SORCS2: variants seen among roughly 807,000 people sequenced by gnomAD.
SORCS2 encodes the protein VPS10 domain-containing receptor SorCS2.
A neutral mutation model predicts 141.6 loss-of-function variants in SORCS2; 100 were observed. That is an observed-to-expected ratio of 0.71 (90% CI 0.60 to 0.83). The LOEUF is 0.83. Among genes scored for constraint, SORCS2 ranks in the 40% least tolerant of loss-of-function variants. The probability of loss-of-function intolerance (pLI) is 0.00; values close to 1 mark genes in which losing one functional copy is unlikely to be tolerated. For missense variants in SORCS2, 1,646 were observed against 1,560.2 expected (o/e 1.05, Z -0.93); for synonymous variants, 789 against 676.9 (o/e 1.17, Z -2.57).
At chr4:7,228,087 G>A (rs1448350968) in intron 1 of SORCS2, among the ~76,000 whole-genome samples, 2 of 152,188 alleles carry the variant, frequency 1.3e-5, no homozygotes, top group Non-Finnish European at 2.9e-5. Context: ...CCACAGCAGA[G>A]GCTGATTCTT....
chr4:7,327,783 A>G (rs1479515745), intron 1 of SORCS2, among the ~76,000 whole-genome samples: 3 of 151,956 alleles, frequency 2.0e-5, no homozygotes, highest in Non-Finnish European at 2.9e-5. Context: ...TGAGTGCATG[A>G]GGGCTTGGCT....
chr4:7,630,145 T>C (rs908459351), intron 3 of SORCS2, among the ~76,000 whole-genome samples: 22 of 152,100 alleles, frequency 1.4e-4, no homozygotes, highest in African/African-American at 5.3e-4. Context: ...GGCTTGTTCA[T>C]ACGCAGACTG....
At chr4:7,446,344 C>A (rs1009177734) in intron 2 of SORCS2, among the ~76,000 whole-genome samples, 5 of 152,210 alleles carry the variant, frequency 3.3e-5, no homozygotes, top group African/African-American at 1.2e-4. Context: ...TGCCATGGCA[C>A]CTCGCAGTGG....
chr4:7,252,313 G>C (rs1713559790), intron 1 of SORCS2, among the ~76,000 whole-genome samples: 1 of 152,180 alleles, frequency 6.6e-6, no homozygotes, highest in Admixed American at 6.5e-5. Context: ...GGCTGGGAGG[G>C]AGGGCATGCT....
intron 3 of SORCS2, among the ~76,000 whole-genome samples, chr4:7,575,322 G>C (rs1239821955): frequency 6.6e-6 from 1 of 152,178 alleles, no homozygotes; most frequent in Non-Finnish European, 1.5e-5. Context: ...ATTTAACCCA[G>C]TATATCCAAA....
At chr4:7,279,943 T>C (rs1213867836) in intron 1 of SORCS2, among the ~76,000 whole-genome samples, 1 of 149,362 alleles carries the variant, frequency 6.7e-6, no homozygotes, top group Non-Finnish European at 1.5e-5. Flanking sequence ...ACCCTTCCAG[T>C]TACATCCCAA....
chr4:7,395,925 C>T (rs1017531660), intron 1 of SORCS2, among the ~76,000 whole-genome samples: 22 of 152,198 alleles, frequency 1.4e-4, no homozygotes, highest in Non-Finnish European at 2.4e-4. Flanking sequence ...TTGCCAAATG[C>T]GCTCCATCCT....
At chr4:7,325,559 G>T (rs756214072) in intron 1 of SORCS2, among the ~76,000 whole-genome samples, 2 of 152,222 alleles carry the variant, frequency 1.3e-5, no homozygotes, top group Non-Finnish European at 2.9e-5. Flanking sequence ...CCTAAATGGG[G>T]CTGGGGGCAG....
rs139075463 is a variant in SORCS2 at position 7,548,753 on chromosome 4, C to T, written c.648+17124C>T. On this transcript the variant is annotated intron_variant, in intron 3 of 26. Coordinates refer to ENST00000507866, the MANE Select transcript of SORCS2 (RefSeq NM_020777.3). ...CACCCAGTGGGCTGGCCAGCATCCA[C>T]GGTGACCCAGGGAGGAGGCCATCAG... Among the ~76,000 whole-genome samples the T allele has an allele frequency of 8.5e-3, 1,289 of 152,194 alleles. 7 individuals are homozygous for T. Among genetic ancestry groups the T allele is most frequent in the Middle Eastern group, 0.027 (8 of 294 alleles).
At chr4:7,639,373 C>T (rs1720483732) in intron 4 of SORCS2, among the ~76,000 whole-genome samples, 1 of 152,168 alleles carries the variant, frequency 6.6e-6, no homozygotes, top group African/African-American at 2.4e-5. Context: ...CTTCAGGCTT[C>T]AAATCTCCTC....
chr4:7,552,254 A>G (rs1713768188), intron 3 of SORCS2, among the ~76,000 whole-genome samples: 1 of 152,122 alleles, frequency 6.6e-6, no homozygotes, highest in African/African-American at 2.4e-5. Flanking sequence ...TGGCTGTGGT[A>G]TCTTTGGGAT....
chr4:7,595,135 C>G (rs1000474050), intron 3 of SORCS2, among the ~76,000 whole-genome samples: 1 of 152,172 alleles, frequency 6.6e-6, no homozygotes, highest in Admixed American at 6.5e-5. Context: ...ACGGCCTCCT[C>G]CTCGTGTGTA....
At chr4:7,620,019 TTCCTCCTCCTCCTCCTTCC>T (rs778970984) in intron 3 of SORCS2, among the ~76,000 whole-genome samples, 213 of 2,548 alleles carry the variant, frequency 0.084, no homozygotes, top group Admixed American at 0.17. Flanking sequence ...CTCCTCCTCC[TTCCTCCTCCTCCTCCTTCC>T]TCCTCCTCCT....
At chr4:7,434,519 T>C (rs1727149509) in intron 2 of SORCS2, 3 of 1,612,986 alleles carry the variant, frequency 1.9e-6, no homozygotes, top group African/African-American at 1.3e-5. Flanking sequence ...CCACGGAGCA[T>C]GCTCAGGATG....
At position 7,433,971 on chromosome 4, in the gene SORCS2, C is replaced by T. The variant is rs372237732; in HGVS notation, c.548+37616C>T. 761 of 1,613,724 alleles carry T rather than the reference C, an allele frequency of 4.7e-4. 1 individual carries two copies. The highest frequency in any genetic ancestry group is 5.7e-4 in the Non-Finnish European group (674 of 1,179,872). On this transcript the variant is annotated intron_variant, in intron 2 of 26. Transcript: ENST00000507866. ...TGTTGGACATGAGCCAGTGGTCCAG[C>T]TTCTGCACCACGTTCATGCACACCT...
chr4:7,361,726 T>C (rs1264264135), intron 1 of SORCS2, among the ~76,000 whole-genome samples: 3 of 151,750 alleles, frequency 2.0e-5, no homozygotes, highest in African/African-American at 7.3e-5. Context: ...TGCAGGCAGC[T>C]GTAAGGCTTT....
At chr4:7,431,403 G>C (rs1032616147) in intron 2 of SORCS2, 9 of 152,320 alleles carry the variant, frequency 5.9e-5, no homozygotes, top group African/African-American at 2.2e-4. Flanking sequence ...ACCTGTCGGG[G>C]GATTTCAGGT....
intron 4 of SORCS2, among the ~76,000 whole-genome samples, chr4:7,647,442 G>A (rs1314281707): frequency 6.6e-6 from 1 of 152,182 alleles, no homozygotes; most frequent in Non-Finnish European, 1.5e-5. Flanking sequence ...CTCACTGTCA[G>A]CGTCACGGGT....
intron 3 of SORCS2, among the ~76,000 whole-genome samples, chr4:7,539,752 C>T (rs1404966617): frequency 6.8e-6 from 1 of 146,144 alleles, no homozygotes; most frequent in Non-Finnish European, 1.5e-5. Context: ...GGCCCCACCC[C>T]ATCCCTGCTG....
Sources: allele counts gnomAD v4.1 joint callset (sites outside exome capture counted in the v4.1 genomes callset), GRCh38; gene constraint gnomAD v4.1.1; transcripts MANE v1.5; gene names NCBI Gene and HGNC (gene_info 2026-07-23, HGNC 2026-07-21).